The following STK3 variants were observed in gnomAD, a reference collection of about 807,000 sequenced individuals.
The protein encoded by STK3 is serine/threonine-protein kinase 3.
A neutral mutation model predicts 58.0 loss-of-function variants in STK3; 41 were observed. The observed-to-expected ratio is 0.71, with a 90% confidence interval of 0.55 to 0.92. The LOEUF is 0.92. STK3 is among the 40% of genes least tolerant of loss of function. STK3 has a pLI of 0.00. For missense variants in STK3, 479 were observed against 602.7 expected, an observed-to-expected ratio of 0.79 and a Z score of 2.15; for synonymous variants, 170 against 191.0, an observed-to-expected ratio of 0.89 and a Z score of 0.91.
chr8:98,562,657 T>TG (rs1380208600), intron 8 of STK3, among the ~76,000 whole-genome samples: 1 of 143,234 alleles, frequency 7.0e-6, no homozygotes, highest in Non-Finnish European at 1.5e-5. Flanking sequence ...GTGAACCTAC[T>TG]GAGGCAGGAG....
rs1371888865 is a variant in STK3, at chr8:98,486,447, T to G, written c.1318-30447A>C. Among the ~76,000 whole-genome samples the G allele has an allele frequency of 2.0e-5, 3 of 152,316 alleles. No individual in the cohort carries two copies. In the East Asian group the frequency reaches 5.8e-4, roughly 29 times the overall value. ...GTGTGTGTAAAGCCACTAAAGACCG[T>G]GTAAAAGTGCTGAAAAGGTTCAATG... On this transcript the variant is annotated intron_variant, in intron 10 of 10. Transcript: ENST00000419617.
At chr8:98,754,480 C>A (rs1747838295) in intron 3 of STK3, among the ~76,000 whole-genome samples, 1 of 151,152 alleles carries the variant, frequency 6.6e-6, no homozygotes, top group Admixed American at 6.6e-5. Flanking sequence ...GACTGTATAT[C>A]CTTCAGGGGA....
At chr8:98,402,427 GTGTT>G (rs1173414074) in intron 3 of STK3, among the ~76,000 whole-genome samples, 2 of 152,220 alleles carry the variant, frequency 1.3e-5, no homozygotes, top group East Asian at 3.8e-4. Context: ...CCTGGAGTCT[GTGTT>G]TGGCTCATTC....
chr8:98,855,323 A>G (rs1405575477), intron 3 of STK3, among the ~76,000 whole-genome samples: 1 of 152,230 alleles, frequency 6.6e-6, no homozygotes, highest in Non-Finnish European at 1.5e-5. Flanking sequence ...ACAAGGACAG[A>G]CATATGGATC....
At chr8:98,827,291 G>A (rs938036276), upstream of STK3, among the ~76,000 whole-genome samples, 11 of 152,110 alleles carry the variant, frequency 7.2e-5, no homozygotes, top group Non-Finnish European at 1.0e-4. Context: ...CCGAGATCGC[G>A]CCACTGCACT....
intron 3 of STK3, among the ~76,000 whole-genome samples, chr8:98,760,273 C>G (rs1333283865): frequency 6.6e-6 from 1 of 152,134 alleles, no homozygotes; most frequent in African/African-American, 2.4e-5. Flanking sequence ...TCCCAAGTAA[C>G]CGCAACTATA....
At chr8:98,426,757 C>G (rs1818238960) in intron 3 of STK3, among the ~76,000 whole-genome samples, 1 of 152,176 alleles carries the variant, frequency 6.6e-6, no homozygotes, top group Non-Finnish European at 1.5e-5. Flanking sequence ...AGCCCCCTGC[C>G]TGCGCCCTGG....
At chr8:98,525,423 T>G (rs1825673849) in intron 10 of STK3, among the ~76,000 whole-genome samples, 1 of 149,032 alleles carries the variant, frequency 6.7e-6, no homozygotes, top group African/African-American at 2.5e-5. Context: ...CCCTTAAATT[T>G]ATGCCAAAAA....
chr8:98,611,095 G>A (rs937975820), intron 6 of STK3, among the ~76,000 whole-genome samples: 5 of 152,002 alleles, frequency 3.3e-5, no homozygotes, highest in African/African-American at 1.2e-4. Context: ...AGCTAAACAA[G>A]CAGAGGTCAG....
chr8:98,424,413 G>A (rs1304527605), intron 3 of STK3, among the ~76,000 whole-genome samples: 1 of 152,184 alleles, frequency 6.6e-6, no homozygotes, highest in Non-Finnish European at 1.5e-5. Flanking sequence ...GGGGACAAGG[G>A]GGAGGGAGAG....
intron 6 of STK3, among the ~76,000 whole-genome samples, chr8:98,612,414 T>C (rs1295496225): frequency 1.3e-5 from 2 of 149,526 alleles, no homozygotes; most frequent in African/African-American, 2.4e-5. Context: ...CACACACATA[T>C]GAATTCTATA....
intron 1 of STK3, among the ~76,000 whole-genome samples, chr8:98,921,988 C>T (rs1677231323): frequency 6.6e-6 from 1 of 152,206 alleles, no homozygotes; most frequent in Admixed American, 6.5e-5. Flanking sequence ...GCCACCACGC[C>T]CGGCCTATCA....
At chr8:98,904,788 G>T (rs1428821928) in intron 1 of STK3, 3 of 671,686 alleles carry the variant, frequency 4.5e-6, no homozygotes, top group Non-Finnish European at 8.4e-6. Context: ...AGTGGTGGCC[G>T]GAGCGGCAGC....
chr8:98,384,435 T>G (rs1817769409), intron 1 of STK3, among the ~76,000 whole-genome samples: 1 of 152,228 alleles, frequency 6.6e-6, no homozygotes, highest in Non-Finnish European at 1.5e-5. Context: ...TGTTTCTGCG[T>G]TTTGTTCAAT....
upstream of STK3, chr8:98,825,790 C>CAG (rs1325801089): frequency 1.1e-5 from 1 of 93,892 alleles, no homozygotes; most frequent in African/African-American, 4.1e-5. Context: ...CCCGCCCCGC[C>CAG]CCCGGCCGCC....
intron 1 of STK3, among the ~76,000 whole-genome samples, chr8:98,799,227 A>T (rs1833365721): frequency 6.6e-6 from 1 of 152,164 alleles, no homozygotes. Context: ...ATTTTTAAAC[A>T]TTAGTATTAC....
chr8:98,753,010 GGGAGTGTAAATT>G (rs1417239612), intron 3 of STK3, among the ~76,000 whole-genome samples: 1 of 152,034 alleles, frequency 6.6e-6, no homozygotes, highest in African/African-American at 2.4e-5. Context: ...TACTGTTGGT[GGGAGTGTAAATT>G]AGTTCAACCA....
intron 3 of STK3, among the ~76,000 whole-genome samples, chr8:98,423,918 C>T (rs1317557460): frequency 1.3e-5 from 2 of 152,202 alleles, no homozygotes; most frequent in Non-Finnish European, 2.9e-5. Context: ...TCCCAGGGTG[C>T]CTCTCCCTGC....
intron 7 of STK3, among the ~76,000 whole-genome samples, chr8:98,590,206 A>G (rs1031353648): frequency 3.3e-5 from 5 of 151,322 alleles, no homozygotes; most frequent in African/African-American, 9.8e-5. Flanking sequence ...TTGATTTGCT[A>G]TTTCTGTTGT....
Sources: gnomAD v4.1 joint callset for allele counts (sites outside exome capture counted in the v4.1 genomes callset) on GRCh38, gnomAD v4.1.1 for gene constraint, MANE v1.5 for transcripts, NCBI Gene and HGNC (gene_info 2026-07-23, HGNC 2026-07-21) for gene names.